The following PRUNE2 variants were observed in gnomAD, a reference collection of about 807,000 sequenced individuals.
PRUNE2 encodes protein prune homolog 2.
PRUNE2 carries 164 observed loss-of-function variants against 252.0 expected under a neutral mutation model. The ratio of observed to expected loss-of-function variants is 0.65; its 90% CI spans 0.57 to 0.74. The LOEUF (loss-of-function observed/expected upper bound fraction) is 0.74, where lower values mean the gene tolerates loss of function less well. Ranked by LOEUF, PRUNE2 falls within the 30% of genes least tolerant of loss-of-function variation. PRUNE2 has a pLI of 0.00. For synonymous variants in PRUNE2, 1,292 were observed against 1,350.2 expected, an observed-to-expected ratio of 0.96 and a Z score of 0.94; for missense variants, 3,495 against 3,711.0, an observed-to-expected ratio of 0.94 and a Z score of 1.51.
At chr9:76,732,284 G>A (rs919715531) in intron 6 of PRUNE2, among the ~76,000 whole-genome samples, 1 of 152,178 alleles carries the variant, frequency 6.6e-6, no homozygotes, top group Admixed American at 6.5e-5. Context: ...TCCAGCCTGG[G>A]GGGCAGAGCG....
intron 4 of PRUNE2, among the ~76,000 whole-genome samples, chr9:76,831,590 A>G (rs1350235822): frequency 1.3e-5 from 2 of 152,246 alleles, no homozygotes; most frequent in Non-Finnish European, 2.9e-5. Flanking sequence ...ATTGTCAGGG[A>G]AATGATAAAA....
At chr9:76,864,312 G>A (rs1280343159) in intron 1 of PRUNE2, among the ~76,000 whole-genome samples, 1 of 152,150 alleles carries the variant, frequency 6.6e-6, no homozygotes, top group South Asian at 2.1e-4. Flanking sequence ...TAGCAGGAAG[G>A]AGGGTGTAGG....
intron 6 of PRUNE2, among the ~76,000 whole-genome samples, chr9:76,721,339 T>C (rs956505602): frequency 1.3e-5 from 2 of 152,208 alleles, no homozygotes; most frequent in Non-Finnish European, 2.9e-5. Context: ...TTCAGTGAAT[T>C]TTACTCCTGG....
At chr9:76,888,077 T>A (rs1013808830) in intron 1 of PRUNE2, among the ~76,000 whole-genome samples, 2 of 151,648 alleles carry the variant, frequency 1.3e-5, no homozygotes, top group South Asian at 4.2e-4. Context: ...CAAAAACACA[T>A]CAGAGAAGCA....
Position 76,705,089 on chromosome 9 carries a change from G to A in PRUNE2, c.7185C>T (p.Pro2395=), listed in dbSNP as rs1392990429. ...GTTCTGTGAGATAAGACAAATCAAAGGGAGGTGTGTACGGTGCCAGCGACT... is the reference window on the plus strand; with the variant it reads ...GTTCTGTGAGATAAGACAAATCAAAAGGAGGTGTGTACGGTGCCAGCGACT... ...LKQSLAPYTP[P]FDLSYLTEPA... Residue 2395 remains proline (P), a synonymous_variant, in exon 8 of 19, where the codon CCC becomes CCT. Transcript: ENST00000376718. 1.2e-6 allele frequency: 2 copies of A among 1,614,044 alleles called. No homozygotes were observed. The highest frequency in any genetic ancestry group is 3.3e-5 in the Admixed American group (2 of 60,026).
At chr9:76,786,117 A>C (rs998106282) in intron 6 of PRUNE2, 7 of 152,306 alleles carry the variant, frequency 4.6e-5, no homozygotes, top group Middle Eastern at 3.4e-3. Context: ...TTCTCAGCAG[A>C]AGCCAGAATT....
chr9:76,616,713 C>T (rs1829873879), intron 18 of PRUNE2, among the ~76,000 whole-genome samples: 1 of 152,148 alleles, frequency 6.6e-6, no homozygotes, highest in Non-Finnish European at 1.5e-5. Context: ...GAACAATTTT[C>T]TTGTAAGTAA....
At chr9:76,856,531 A>C (rs2060258805) in intron 1 of PRUNE2, 1 of 152,272 alleles carries the variant, frequency 6.6e-6, no homozygotes, top group South Asian at 2.1e-4. Context: ...TGCTAAATGA[A>C]GACTGCAACC....
At chr9:76,733,075 G>A (rs2048770231) in intron 6 of PRUNE2, among the ~76,000 whole-genome samples, 1 of 152,134 alleles carries the variant, frequency 6.6e-6, no homozygotes, top group Non-Finnish European at 1.5e-5. Flanking sequence ...AATAACGGTA[G>A]AGTCATTTTT....
intron 14 of PRUNE2, among the ~76,000 whole-genome samples, chr9:76,637,003 G>GTGTGTGTA (rs1337228901): frequency 3.3e-5 from 5 of 150,040 alleles, no homozygotes; most frequent in Non-Finnish European, 3.0e-5. Flanking sequence ...GTGTGTGTGT[G>GTGTGTGTA]TGTGTGTATA....
At position 76,882,200 on chromosome 9, in the gene PRUNE2, C is replaced by T. The variant is rs533372214; in HGVS notation, c.36+23728G>A. ...GCATACATAGTATATTTACAGATTT[C>T]GTGTACAAATTTATTTTTGATTATA... On this transcript the variant is annotated intron_variant, in intron 1 of 18. Transcript: ENST00000376718. Among the ~76,000 whole-genome samples, 9 of 152,064 alleles carry T rather than the reference C, an allele frequency of 5.9e-5. No homozygotes were observed. In the South Asian group the frequency reaches 6.2e-4, roughly 11 times the overall value.
At chr9:76,636,817 G>C (rs188363954) in intron 14 of PRUNE2, among the ~76,000 whole-genome samples, 1 of 152,006 alleles carries the variant, frequency 6.6e-6, no homozygotes, top group African/African-American at 2.4e-5. Context: ...TTAGCTGGGC[G>C]TGGTGGTGCC....
At position 76,840,179 on chromosome 9, in the gene PRUNE2, T is replaced by G. The variant is rs1198558551; in HGVS notation, c.508+6336A>C. Among the ~76,000 whole-genome samples the G allele has an allele frequency of 5.3e-5, 8 of 152,174 alleles. No homozygotes were observed. In the East Asian group the frequency reaches 1.5e-3, roughly 29 times the overall value. On this transcript the variant is annotated intron_variant, in intron 4 of 18. Coordinates refer to ENST00000376718, the MANE Select transcript of PRUNE2 (RefSeq NM_015225.3). Reference sequence around the variant, plus strand: ...AGCAAAAAAAGAGAAAAAGGACAAGTTTTAGGCACCCAACACTTAGCAACT... The same window carrying G: ...AGCAAAAAAAGAGAAAAAGGACAAGGTTTAGGCACCCAACACTTAGCAACT...
chr9:76,801,296 G>A (rs2056535067), intron 6 of PRUNE2, among the ~76,000 whole-genome samples: 1 of 152,128 alleles, frequency 6.6e-6, no homozygotes, highest in Non-Finnish European at 1.5e-5. Flanking sequence ...CTGATTAGCA[G>A]TAAAGAATAT....
At chr9:76,758,661 T>C (rs925849656) in intron 6 of PRUNE2, 2 of 148,290 alleles carry the variant, frequency 1.3e-5, no homozygotes, top group African/African-American at 4.9e-5. Flanking sequence ...CCCAGATGAA[T>C]CACGGTGTTT....
At chr9:76,662,093 A>G (rs2039203753) in intron 9 of PRUNE2, among the ~76,000 whole-genome samples, 1 of 152,220 alleles carries the variant, frequency 6.6e-6, no homozygotes, top group Non-Finnish European at 1.5e-5. Context: ...CAGCTAAAGA[A>G]GTTCCTAGAG....
intron 6 of PRUNE2, among the ~76,000 whole-genome samples, chr9:76,791,212 C>G (rs1249968681): frequency 1.3e-5 from 2 of 151,756 alleles, no homozygotes; most frequent in Non-Finnish European, 2.9e-5. Flanking sequence ...GTACCATATA[C>G]TGCACCAATT....
intron 6 of PRUNE2, among the ~76,000 whole-genome samples, chr9:76,753,026 T>C (rs181358933): frequency 5.3e-4 from 81 of 152,314 alleles, no homozygotes; most frequent in Non-Finnish European, 1.0e-3. Flanking sequence ...TTTTCAAAGA[T>C]ACACTGTTTT....
At chr9:76,686,554 C>T (rs1238910433) in intron 9 of PRUNE2, among the ~76,000 whole-genome samples, 1 of 152,158 alleles carries the variant, frequency 6.6e-6, no homozygotes, top group Non-Finnish European at 1.5e-5. Flanking sequence ...TTCCCAGGCT[C>T]AAGTGATCCT....
Sources: gnomAD v4.1 joint callset for allele counts (sites outside exome capture counted in the v4.1 genomes callset) on GRCh38, gnomAD v4.1.1 for gene constraint, MANE v1.5 for transcripts, NCBI Gene and HGNC (gene_info 2026-07-23, HGNC 2026-07-21) for gene names.